The following KCNQ5 variants were observed in gnomAD, a reference collection of about 807,000 sequenced individuals.
KCNQ5 encodes the protein potassium voltage-gated channel subfamily Q member 5, also known as potassium voltage-gated channel subfamily KQT member 5.
A neutral mutation model predicts 98.2 loss-of-function variants in KCNQ5; 30 were observed. The observed-to-expected ratio is 0.31, with a 90% confidence interval of 0.23 to 0.41. The LOEUF (loss-of-function observed/expected upper bound fraction) is 0.41. Among genes scored for constraint, KCNQ5 ranks in the 10% least tolerant of loss-of-function variants. The pLI is 1.00. For synonymous variants in KCNQ5, 458 were observed against 449.4 expected, an observed-to-expected ratio of 1.02 and a Z score of -0.24; for missense variants, 835 against 1,182.5, an observed-to-expected ratio of 0.71 and a Z score of 4.31.
At chr6:72,642,435 C>G (rs867679611) in intron 1 of KCNQ5, among the ~76,000 whole-genome samples, 1 of 151,928 alleles carries the variant, frequency 6.6e-6, no homozygotes, top group Middle Eastern at 3.4e-3. Context: ...CCCTATCACC[C>G]AGGCATTAAG....
chr6:72,980,846 C>G (rs1202113029), intron 1 of KCNQ5, among the ~76,000 whole-genome samples: 1 of 152,138 alleles, frequency 6.6e-6, no homozygotes, highest in Non-Finnish European at 1.5e-5. Flanking sequence ...GAGATACGTT[C>G]CATCAATACC....
At chr6:73,011,647 G>A (rs750303666) in intron 2 of KCNQ5, among the ~76,000 whole-genome samples, 2 of 152,024 alleles carry the variant, frequency 1.3e-5, no homozygotes, top group Non-Finnish European at 2.9e-5. Context: ...TAAAATGTTT[G>A]TGCATCAGAA....
chr6:73,033,497 T>C (rs62412512), intron 2 of KCNQ5, among the ~76,000 whole-genome samples: 163 of 152,186 alleles, frequency 1.1e-3, no homozygotes, highest in Non-Finnish European at 1.9e-3. Context: ...AATCAACTAA[T>C]CCCAAGGGGA....
chr6:73,154,678 A>T (rs553873475), intron 10 of KCNQ5, among the ~76,000 whole-genome samples: 2 of 152,336 alleles, frequency 1.3e-5, no homozygotes, highest in South Asian at 4.1e-4. Context: ...AACACGCAGC[A>T]TACTATATTT....
chr6:72,735,937 A>T (rs1432104156), intron 1 of KCNQ5, among the ~76,000 whole-genome samples: 1 of 152,156 alleles, frequency 6.6e-6, no homozygotes, highest in Non-Finnish European at 1.5e-5. Context: ...AAACTTAAAA[A>T]CAAATTTTTA....
In KCNQ5 at chr6:72,927,104, G is replaced by T. The variant is rs1159924218; in HGVS notation, c.399-76804G>T. On this transcript the variant is annotated intron_variant, in intron 1 of 13. Transcript: ENST00000370398. ...ATGCCTCACAAAACATTGACACAAG[G>T]AATTAAATTTTATAAAACTGGCTAA... Among the ~76,000 whole-genome samples the T allele has an allele frequency of 5.3e-5, 8 of 152,266 alleles. No individual in the cohort carries two copies. The East Asian group carries it at 1.5e-3, about 29-fold the overall frequency.
At chr6:72,999,543 C>T (rs1769464190) in intron 1 of KCNQ5, among the ~76,000 whole-genome samples, 1 of 152,154 alleles carries the variant, frequency 6.6e-6, no homozygotes, top group Admixed American at 6.5e-5. Context: ...CATCATAAAG[C>T]TGACAGGTGC....
chr6:73,087,567 T>C (rs1774041270), intron 5 of KCNQ5, among the ~76,000 whole-genome samples: 1 of 152,002 alleles, frequency 6.6e-6, no homozygotes, highest in Non-Finnish European at 1.5e-5. Context: ...GGCATTTAAA[T>C]CTATGAGAAC....
At chr6:73,166,538 A>G (rs1283584569) in intron 10 of KCNQ5, among the ~76,000 whole-genome samples, 5 of 70,926 alleles carry the variant, frequency 7.0e-5, no homozygotes, top group African/African-American at 4.4e-4. Flanking sequence ...TCTTATTACT[A>G]TCATCATCAT....
At chr6:72,748,309 T>C (rs1007625160) in intron 1 of KCNQ5, among the ~76,000 whole-genome samples, 6 of 152,262 alleles carry the variant, frequency 3.9e-5, no homozygotes, top group Middle Eastern at 3.4e-3. Flanking sequence ...GTTGGTTGTA[T>C]GTAGCCTTTC....
chr6:72,948,739 A>T (rs1766661529), intron 1 of KCNQ5, among the ~76,000 whole-genome samples: 1 of 152,136 alleles, frequency 6.6e-6, no homozygotes, highest in African/African-American at 2.4e-5. Context: ...TTTTCTTTAA[A>T]TAGATTAATA....
At chr6:72,881,403 T>C (rs1300511738) in intron 1 of KCNQ5, among the ~76,000 whole-genome samples, 1 of 152,248 alleles carries the variant, frequency 6.6e-6, no homozygotes, top group Non-Finnish European at 1.5e-5. Context: ...TCTTCAAGTA[T>C]GTCTCTGATT....
Position 72,931,234 on chromosome 6 carries a change from T to G in KCNQ5, c.399-72674T>G, listed in dbSNP as rs539919990. On this transcript the variant is annotated intron_variant, in intron 1 of 13. Transcript: ENST00000370398. ...TAATAGAATTCTATTTTATTGAAACTAAAGTTTACTTTTTTATTACATCAT... is the reference window on the plus strand; with the variant it reads ...TAATAGAATTCTATTTTATTGAAACGAAAGTTTACTTTTTTATTACATCAT... 1.1e-3 allele frequency among the ~76,000 whole-genome samples: 166 copies of G among 152,318 alleles called. 2 individuals carry two copies. The highest frequency in any genetic ancestry group is 3.8e-3 in the African/African-American group (160 of 41,588).
chr6:72,632,916 A>T (rs1425682655), intron 1 of KCNQ5, among the ~76,000 whole-genome samples: 1 of 151,906 alleles, frequency 6.6e-6, no homozygotes, highest in Non-Finnish European at 1.5e-5. Context: ...TCTTTTTGGT[A>T]TGATGATCTA....
intron 3 of KCNQ5, among the ~76,000 whole-genome samples, chr6:73,073,111 G>A (rs1234688364): frequency 1.3e-5 from 2 of 152,014 alleles, no homozygotes; most frequent in African/African-American, 4.8e-5. Context: ...TGCTTTCATA[G>A]CCTCCCCCTT....
rs1441064740 is a variant in KCNQ5, at chr6:73,189,673, C to CA, written c.1578-897dup. Among the ~76,000 whole-genome samples the CA allele has an allele frequency of 2.0e-5, 3 of 152,184 alleles. No homozygotes were observed. The East Asian group carries it at 5.8e-4, about 29-fold the overall frequency. ...TGCAATAAGGCTACACAAACTAATT[C>CA]AAATGTTATGTTTCTCTGCTTTCAT... On this transcript the variant is annotated intron_variant, in intron 11 of 13. Coordinates refer to ENST00000370398, the MANE Select transcript of KCNQ5 (RefSeq NM_019842.4).
intron 1 of KCNQ5, among the ~76,000 whole-genome samples, chr6:72,692,507 C>T (rs1341579179): frequency 1.3e-5 from 2 of 152,216 alleles, no homozygotes; most frequent in African/African-American, 4.8e-5. Flanking sequence ...AGGAAGATAA[C>T]TCAGCTAGAG....
chr6:72,625,437 A>G (rs1359271817), intron 1 of KCNQ5, among the ~76,000 whole-genome samples: 1 of 152,214 alleles, frequency 6.6e-6, no homozygotes, highest in Non-Finnish European at 1.5e-5. Context: ...TTAGTGTGCT[A>G]TTCAAACATG....
intron 5 of KCNQ5, among the ~76,000 whole-genome samples, chr6:73,091,714 G>A (rs1774255100): frequency 6.0e-5 from 1 of 16,790 alleles, no homozygotes; most frequent in Admixed American, 5.3e-4. Flanking sequence ...AGGTTTGGTT[G>A]GGTTTGTTTT....
Sources: allele counts gnomAD v4.1 joint callset (sites outside exome capture counted in the v4.1 genomes callset), GRCh38; gene constraint gnomAD v4.1.1; transcripts MANE v1.5; gene names NCBI Gene and HGNC (gene_info 2026-07-23, HGNC 2026-07-21).